SHROOM4: variants seen among roughly 807,000 people sequenced by gnomAD.
The protein encoded by SHROOM4 is protein Shroom4.
In SHROOM4, 17 loss-of-function variants were observed where a neutral mutation model predicts 80.3. That is an observed-to-expected ratio of 0.21 (90% CI 0.14 to 0.32). SHROOM4 has a LOEUF of 0.32. Ranked by LOEUF, SHROOM4 falls within the 10% of genes least tolerant of loss-of-function variation. SHROOM4 has a pLI of 1.00. For missense variants in SHROOM4, 993 were observed against 1,140.3 expected, an observed-to-expected ratio of 0.87 and a Z score of 1.86; for synonymous variants, 400 against 437.5, an observed-to-expected ratio of 0.91 and a Z score of 1.07.
chrX:50,701,025 C>T (rs1319647289), intron 1 of SHROOM4, among the ~76,000 whole-genome samples: 1 of 111,561 alleles, frequency 9.0e-6, no homozygotes, highest in Non-Finnish European at 1.9e-5. Context: ...CCAAGGGCTC[C>T]CCTGACCTTG....
In SHROOM4 at chrX:50,608,188, C is replaced by G; in HGVS notation, c.2958-4G>C. 8.3e-7 allele frequency: 1 copy of G among 1,210,763 alleles called. No homozygotes were observed. Among genetic ancestry groups the G allele is most frequent in the Admixed American group, 2.2e-5 (1 of 45,947 alleles). ...AGTCTTGGAATGAGCCATTTCCCTGCAAAACATCAGATGAGTACTGAGAAA... is the reference window on the plus strand; with the variant it reads ...AGTCTTGGAATGAGCCATTTCCCTGGAAAACATCAGATGAGTACTGAGAAA... On this transcript the variant is annotated splice_polypyrimidine_tract_variant and splice_region_variant and intron_variant, in intron 5 of 8. Transcript: ENST00000376020.
At chrX:50,667,922 G>T in intron 2 of SHROOM4, among the ~76,000 whole-genome samples, 1 of 111,232 alleles carries the variant, frequency 9.0e-6, no homozygotes, top group Non-Finnish European at 1.9e-5. Flanking sequence ...CTGGGAGAGG[G>T]GTAGACACCA....
the SHROOM4 span, among the ~76,000 whole-genome samples, chrX:50,579,789 G>C: frequency 9.0e-6 from 1 of 111,474 alleles, no homozygotes; most frequent in Non-Finnish European, 1.9e-5. Context: ...AGTGTGAGGA[G>C]GTGCTTGCCT....
rs782002347 is a variant in SHROOM4, at chrX:50,602,676, C to T, written c.3899G>A (p.Gly1300Asp). The part of the protein sequence containing the change: ...LKDQPEMAEI[G>D]LGEEEVDHEL... ...ATGGTCAACTTCCTCCTCTCCTAGG[C>T]CAATCTCTGCCATCTCAGGTTGGTC... Residue 1300 changes from glycine (G) to aspartate (D), a missense_variant, in exon 7 of 9, where the codon GGC becomes GAC. Transcript: ENST00000376020. 9.3e-5 allele frequency: 112 copies of T among 1,209,587 alleles called. 1 individual carries two copies. The South Asian group carries it at 1.9e-3, about 20-fold the overall frequency.
chrX:50,786,643 C>T (rs1252804139), intron 1 of SHROOM4, among the ~76,000 whole-genome samples: 3 of 111,166 alleles, frequency 2.7e-5, no homozygotes, highest in Non-Finnish European at 5.6e-5. Flanking sequence ...CTCTAGCTGG[C>T]CTGACTGATG....
At chrX:50,771,777 G>A (rs781936101) in intron 1 of SHROOM4, among the ~76,000 whole-genome samples, 8 of 112,095 alleles carry the variant, frequency 7.1e-5, no homozygotes, top group Admixed American at 1.9e-4. Context: ...AAAGGTGTAC[G>A]TACACAAATG....
Position 50,633,590 on chromosome X carries a change from T to A in SHROOM4, c.2483A>T (p.Gln828Leu). Residue 828 changes from glutamine to leucine, a missense_variant, in exon 4 of 9, where the codon CAA (glutamine) becomes CTA (leucine). By Grantham distance (113) the Gln-to-Leu change is moderately radical. Coordinates refer to ENST00000376020, the MANE Select transcript of SHROOM4 (RefSeq NM_020717.5). The stretch of plus-strand genomic sequence containing the variant: ...TGGTTGGTCTGCGGAATGATATGAT[T>A]GGTCCATGGGATGGCGCCTCAATTC... ...CRELRRHPMD[Q>L]SYHSADQPYH... 1.7e-6 allele frequency: 2 copies of A among 1,212,067 alleles called. No homozygotes were observed. The highest frequency in any genetic ancestry group is 2.2e-6 in the Non-Finnish European group (2 of 895,621).
chrX:50,630,758 GA>G lies in SHROOM4; in HGVS notation c.2895+2419del, dbSNP rs782068585. On this transcript the variant is annotated intron_variant, in intron 4 of 8. Coordinates refer to ENST00000376020, the MANE Select transcript of SHROOM4 (RefSeq NM_020717.5). ...ATCCTGGTGCATTTTAAAGTAAGTT[GA>G]AAACAACTATATCCCCATAAATTTT... 2.7e-5 allele frequency among the ~76,000 whole-genome samples: 3 copies of G among 111,275 alleles called. No individual in the cohort carries two copies. In the South Asian group the frequency reaches 1.1e-3, roughly 42 times the overall value.
At chrX:50,803,813 A>C (rs1281530225) in intron 1 of SHROOM4, among the ~76,000 whole-genome samples, 2 of 112,210 alleles carry the variant, frequency 1.8e-5, no homozygotes, top group Non-Finnish European at 3.8e-5. Flanking sequence ...GGCACTTTAC[A>C]AAGTGCTCAA....
chrX:50,655,288 TC>T (rs1220514477), intron 2 of SHROOM4, among the ~76,000 whole-genome samples: 6 of 109,779 alleles, frequency 5.5e-5, no homozygotes, highest in African/African-American at 2.0e-4. Context: ...ACATTTATTT[TC>T]TTTTGTGTAT....
chrX:50,764,824 A>G (rs1340697790), intron 1 of SHROOM4, among the ~76,000 whole-genome samples: 1 of 111,444 alleles, frequency 9.0e-6, no homozygotes, highest in Non-Finnish European at 1.9e-5. Flanking sequence ...GTCCATTTTC[A>G]TACTGCTATG....
At chrX:50,744,960 C>T (rs1381094071) in intron 1 of SHROOM4, among the ~76,000 whole-genome samples, 1 of 111,947 alleles carries the variant, frequency 8.9e-6, no homozygotes, top group Non-Finnish European at 1.9e-5. Context: ...TCCAGTAAAG[C>T]TTCTATCTTT....
At chrX:50,622,713 G>A (rs1304524658) in intron 5 of SHROOM4, among the ~76,000 whole-genome samples, 1 of 111,577 alleles carries the variant, frequency 9.0e-6, no homozygotes, top group Non-Finnish European at 1.9e-5. Flanking sequence ...AGGTGTGAAG[G>A]GAAACTCTAT....
chrX:50,597,784 G>A (rs1929184773), intron 8 of SHROOM4, among the ~76,000 whole-genome samples: 1 of 111,816 alleles, frequency 8.9e-6, no homozygotes, highest in Admixed American at 9.5e-5. Context: ...AAATGGTAGG[G>A]CAAGAATTTC....
At chrX:50,677,025 G>A (rs1440783884) in intron 2 of SHROOM4, among the ~76,000 whole-genome samples, 2 of 111,750 alleles carry the variant, frequency 1.8e-5, no homozygotes, top group Non-Finnish European at 3.8e-5. Flanking sequence ...AATTCTGTCT[G>A]GTGTGGAAGG....
chrX:50,788,342 A>G (rs1557271252), intron 1 of SHROOM4, among the ~76,000 whole-genome samples: 2 of 112,151 alleles, frequency 1.8e-5, no homozygotes. Context: ...AGAAAAAGAG[A>G]AATCACTCAA....
At chrX:50,585,280 A>C (rs144532411), downstream of SHROOM4, among the ~76,000 whole-genome samples, 375 of 111,845 alleles carry the variant, frequency 3.4e-3, 1 homozygote, top group African/African-American at 0.012. Flanking sequence ...CACTGTTATT[A>C]GTATATCAAC....
At chrX:50,757,302 T>C (rs1557268455) in intron 1 of SHROOM4, among the ~76,000 whole-genome samples, 1 of 112,177 alleles carries the variant, frequency 8.9e-6, no homozygotes, top group Non-Finnish European at 1.9e-5. Context: ...TGATCACACA[T>C]GTAAAGGCTT....
At chrX:50,577,221 CT>C in the SHROOM4 span, among the ~76,000 whole-genome samples, 1 of 112,498 alleles carries the variant, frequency 8.9e-6, no homozygotes, top group Non-Finnish European at 1.9e-5. Context: ...CTATAATTTT[CT>C]TTTTTGTCAT....
Sources: gnomAD v4.1 joint callset for allele counts (sites outside exome capture counted in the v4.1 genomes callset) on GRCh38, gnomAD v4.1.1 for gene constraint, MANE v1.5 for transcripts, NCBI Gene and HGNC (gene_info 2026-07-23, HGNC 2026-07-21) for gene names.